ZNF800: variants seen among roughly 807,000 people sequenced by gnomAD.
ZNF800 encodes the protein zinc finger protein 800.
Under a neutral mutation model 59.5 loss-of-function variants are expected in ZNF800, and 13 were observed. The ratio of observed to expected loss-of-function variants is 0.22; its 90% CI spans 0.14 to 0.35. ZNF800 has a LOEUF of 0.35. ZNF800 is among the 10% of genes least tolerant of loss of function. The probability of loss-of-function intolerance (pLI) is 1.00; values close to 1 mark genes in which losing one functional copy is unlikely to be tolerated. For synonymous variants in ZNF800, 266 were observed against 265.7 expected (o/e 1.00, Z -0.01); for missense variants, 621 against 783.7 (o/e 0.79, Z 2.48).
At chr7:127,358,994 C>T (rs1468806660) in intron 1 of ZNF800, among the ~76,000 whole-genome samples, 1 of 152,056 alleles carries the variant, frequency 6.6e-6, no homozygotes, top group African/African-American at 2.4e-5. Context: ...TAAATAATTT[C>T]TTTCATCTTC....
chr7:127,373,129 T>C, intron 5 of ZNF800: 6 of 985,430 alleles, frequency 6.1e-6, no homozygotes, highest in Non-Finnish European at 7.2e-6. Context: ...CTGTGGAAGA[T>C]AAGTTCTGAA....
chr7:127,383,531 G>T (rs902914205), intron 3 of ZNF800, among the ~76,000 whole-genome samples: 1 of 152,142 alleles, frequency 6.6e-6, no homozygotes, highest in South Asian at 2.1e-4. Context: ...GAGTAGAGTG[G>T]AATAGGAAGA....
chr7:127,356,644 G>A (rs1348384644), intron 1 of ZNF800, among the ~76,000 whole-genome samples: 1 of 151,986 alleles, frequency 6.6e-6, no homozygotes, highest in Non-Finnish European at 1.5e-5. Context: ...GTGTGTTACA[G>A]CAGTGTGCCT....
At chr7:127,389,060 C>A (rs1194761413) in intron 2 of ZNF800, among the ~76,000 whole-genome samples, 1 of 152,094 alleles carries the variant, frequency 6.6e-6, no homozygotes, top group African/African-American at 2.4e-5. Flanking sequence ...CAGAATATAA[C>A]ATTGACTTTT....
intron 1 of ZNF800, chr7:127,362,163 G>A (rs1800406786): frequency 6.6e-6 from 1 of 152,028 alleles, no homozygotes; most frequent in South Asian, 2.1e-4. Context: ...TGTGGAAAAT[G>A]CCCAAAAATA....
exon 2 of ZNF800, chr7:127,347,755 TGCGGACGGCTGGTCG>T (rs1800092655): frequency 6.6e-6 from 1 of 152,108 alleles, no homozygotes; most frequent in Non-Finnish European, 1.5e-5. Context: ...CTCAGGGGTC[TGCGGACGGCTGGTCG>T]GCCCGTGGAG....
intron 1 of ZNF800, chr7:127,359,862 A>AT (rs974840212): frequency 6.6e-6 from 1 of 151,930 alleles, no homozygotes; most frequent in African/African-American, 2.4e-5. Context: ...TCTAAAGCCC[A>AT]TTACACTTCT....
chr7:127,359,798 G>A (rs1019484766), intron 1 of ZNF800: 11 of 151,756 alleles, frequency 7.2e-5, no homozygotes, highest in African/African-American at 1.7e-4. Flanking sequence ...CATCCTCTGC[G>A]TACTGAAACT....
rs139689292 is a variant in ZNF800 at position 127,391,454 on chromosome 7, C to T, written c.61+43G>A. ...TAGAAAAAAAGAGAAGGCAGAGTGG[C>T]TCTGATGGAGGGCAAAGCAACTGCG... On this transcript the variant is annotated intron_variant, in intron 2 of 5. Transcript: ENST00000265827. The T allele has an allele frequency of 7.1e-4, 1,125 of 1,595,384 alleles. 3 individuals are homozygous for T. The highest frequency in any genetic ancestry group is 4.9e-3 in the African/African-American group (362 of 74,584).
rs1241772899 is a variant in ZNF800 at position 127,377,318 on chromosome 7, G to C, written c.169C>G (p.Leu57Val). 1 of 1,602,866 alleles carries C rather than the reference G, an allele frequency of 6.2e-7. No homozygotes were observed. Among genetic ancestry groups the C allele is most frequent in the South Asian group, 1.1e-5 (1 of 88,966 alleles). Reference sequence around the variant, plus strand: ...ACATCTTTTAATAAAATATGCTTAAGTTGTTTAGTTCCTGAGAGAAAAAAG... The same window carrying C: ...ACATCTTTTAATAAAATATGCTTAACTTGTTTAGTTCCTGAGAGAAAAAAG... Reference protein sequence around the residue: ...IECFRSGTKQLKHILLKDVDT... With the variant: ...IECFRSGTKQVKHILLKDVDT... The change falls in exon 4 of 6, where the codon CTT becomes GTT. Residue 57 changes from leucine to valine, a missense_variant. Transcript: ENST00000265827. This position sits in a 1 kb window ranked among gnomAD's most constrained non-coding sequence, Gnocchi z 4.7.
chr7:127,363,529 C>G (rs1339304166), intron 1 of ZNF800: 1 of 151,684 alleles, frequency 6.6e-6, no homozygotes, highest in Admixed American at 6.6e-5. Context: ...AGGACTCCTA[C>G]CCTTAAGAAA....
At chr7:127,343,602 A>AC (rs1306050016), downstream of ZNF800, among the ~76,000 whole-genome samples, 1 of 151,980 alleles carries the variant, frequency 6.6e-6, no homozygotes, top group Non-Finnish European at 1.5e-5. Context: ...GTTTCTCCAG[A>AC]CCCCAAAGAA....
chr7:127,375,068 T>C, intron 4 of ZNF800, 34 bp from the exon 5 acceptor site: 1 of 1,494,130 alleles, frequency 6.7e-7, no homozygotes, highest in Non-Finnish European at 8.9e-7. Context: ...TAATCTGAAG[T>C]AATTAGCCTG....
Position 127,374,668 on chromosome 7 carries a change from T to C in ZNF800, c.668A>G (p.Asn223Ser), listed in dbSNP as rs757178498. Reference sequence around the variant, plus strand: ...TATCAACTGGTGACCAAAATCAGAATTGTCAGAAGTTTCCAAGTCAGCCTG... The same window carrying C: ...TATCAACTGGTGACCAAAATCAGAACTGTCAGAAGTTTCCAAGTCAGCCTG... ...ESQADLETSD[N>S]SDFGHQLICC... is the part of the protein sequence containing the mutation. Residue 223 changes from asparagine to serine, a missense_variant, in exon 5 of 6, where the codon AAT (asparagine) becomes AGT (serine). Asn to Ser is a conservative substitution (Grantham distance 46). Coordinates refer to ENST00000265827, the MANE Select transcript of ZNF800 (RefSeq NM_176814.5). 2.7e-5 allele frequency: 44 copies of C among 1,613,830 alleles called. No individual in the cohort carries two copies. The highest frequency in any genetic ancestry group is 3.3e-5 in the South Asian group (3 of 91,078).
rs1800808208 is a variant in ZNF800 at position 127,377,098 on chromosome 7, CTA to C, written c.301+86_301+87del. 23 of 1,175,738 alleles carry C rather than the reference CTA, an allele frequency of 2.0e-5. No homozygotes were observed. The highest frequency in any genetic ancestry group is 2.6e-5 in the Non-Finnish European group (22 of 853,052). 72.8% of individuals were successfully genotyped at this position (1,175,738 alleles called of 1,614,324 possible). ...GACATCATTATCAAATTATCAGTAA[CTA>C]GATACAATTTTAATGCAAATGTATA... On this transcript the variant is annotated intron_variant, in intron 4 of 5. Coordinates refer to ENST00000265827, the MANE Select transcript of ZNF800 (RefSeq NM_176814.5). The surrounding 1 kb of genome is among the most constrained non-coding windows in gnomAD (Gnocchi z 4.7).
chr7:127,375,746 G>C (rs561653234), intron 4 of ZNF800, among the ~76,000 whole-genome samples: 1 of 151,920 alleles, frequency 6.6e-6, no homozygotes, highest in African/African-American at 2.4e-5. Flanking sequence ...CTATCCTATT[G>C]TAACAGAGTT....
downstream of ZNF800, among the ~76,000 whole-genome samples, chr7:127,368,815 C>A (rs1204649546): frequency 1.3e-5 from 2 of 151,952 alleles, no homozygotes; most frequent in Non-Finnish European, 2.9e-5. Context: ...GCAAACTGAG[C>A]AGAACAGACT....
chr7:127,359,935 A>C (rs578134578), intron 1 of ZNF800: 2 of 152,024 alleles, frequency 1.3e-5, no homozygotes, highest in East Asian at 3.9e-4. Flanking sequence ...AAAAAAGGAA[A>C]TCTTTTAAAA....
intron 1 of ZNF800, among the ~76,000 whole-genome samples, chr7:127,353,162 A>T (rs968522601): frequency 6.6e-6 from 1 of 152,182 alleles, no homozygotes; most frequent in Non-Finnish European, 1.5e-5. Flanking sequence ...TAAATATAAA[A>T]ATATTTCAGA....
Sources: allele counts gnomAD v4.1 joint callset (sites outside exome capture counted in the v4.1 genomes callset), GRCh38; gene constraint gnomAD v4.1.1; non-coding constraint Gnocchi (gnomAD v3.1); transcripts MANE v1.5; gene names NCBI Gene and HGNC (gene_info 2026-07-23, HGNC 2026-07-21).